The following APPL2 variants were observed in gnomAD, a reference collection of about 807,000 sequenced individuals.
APPL2 encodes adaptor protein, phosphotyrosine interacting with PH domain and leucine zipper 2.
APPL2 carries 84 observed loss-of-function variants against 92.7 expected under a neutral mutation model. That is an observed-to-expected ratio of 0.91 (90% confidence interval 0.76 to 1.09). The LOEUF (loss-of-function observed/expected upper bound fraction) is 1.09, where lower values mean the gene tolerates loss of function less well. Ranked by LOEUF, APPL2 falls within the 50% of genes least tolerant of loss-of-function variation. The pLI, the probability that APPL2 is intolerant of heterozygous loss-of-function variation, is 0.00. For missense variants in APPL2, 736 were observed against 824.5 expected (o/e 0.89, Z 1.31); for synonymous variants, 291 against 291.0 (o/e 1.00, Z 0.00).
intron 17 of APPL2, among the ~76,000 whole-genome samples, chr12:105,184,529 G>T (rs1273891699): frequency 6.6e-6 from 1 of 152,186 alleles, no homozygotes; most frequent in Non-Finnish European, 1.5e-5. Flanking sequence ...CAGGTCTGCT[G>T]CAGTTTGCTG....
At chr12:105,208,726 C>A (rs533584188) in intron 5 of APPL2, among the ~76,000 whole-genome samples, 2 of 152,116 alleles carry the variant, frequency 1.3e-5, no homozygotes, top group Non-Finnish European at 2.9e-5. Flanking sequence ...CAAGCCAACA[C>A]CAATAACTAT....
At chr12:105,177,505 C>T (rs1885670172) in intron 17 of APPL2, 5 of 530,284 alleles carry the variant, frequency 9.4e-6, no homozygotes, top group Middle Eastern at 5.1e-4. Context: ...TTTAACTTCA[C>T]AGGATTCTGC....
In APPL2 at chr12:105,188,265, G is replaced by C. The variant is rs1356610720; in HGVS notation, c.1634+8C>G. ...CATAAGAAAGTCTGAAAATAAAACTGAACGTACCTCAAAGATTGACTGGTG... is the reference window on the plus strand; with the variant it reads ...CATAAGAAAGTCTGAAAATAAAACTCAACGTACCTCAAAGATTGACTGGTG... On this transcript the variant is annotated splice_region_variant and intron_variant, in intron 17 of 20. Transcript: ENST00000258530. 1 of 1,613,616 alleles carries C rather than the reference G, an allele frequency of 6.2e-7. No homozygotes were observed. Among genetic ancestry groups the C allele is most frequent in the East Asian group, 2.2e-5 (1 of 44,808 alleles).
chr12:105,177,463 C>G (rs1885665110), intron 17 of APPL2: 7 of 590,616 alleles, frequency 1.2e-5, no homozygotes, highest in Non-Finnish European at 2.1e-5. Flanking sequence ...CTCAGGGTAC[C>G]TATAATGGAA....
At position 105,208,187 on chromosome 12, in the gene APPL2, A is replaced by C; in HGVS notation, c.386T>G (p.Leu129Ter). 6.2e-7 allele frequency: 1 copy of C among 1,614,236 alleles called. No homozygotes were observed. The highest frequency in any genetic ancestry group is 1.1e-5 in the South Asian group (1 of 91,090). ...REKDLTEVST[L>*]KDLFGLASNE... is the part of the protein sequence containing the mutation. ...GCTAGCGAGTCCAAATAGATCCTTTAAAGTGCTTACTTCTGAAAAGGAGAA... is the reference window on the plus strand; with the variant it reads ...GCTAGCGAGTCCAAATAGATCCTTTCAAGTGCTTACTTCTGAAAAGGAGAA... Residue 129 changes from leucine to a stop codon, truncating the protein, a stop_gained, in exon 6 of 21, where the codon TTA (leucine) becomes TGA (stop). Transcript: ENST00000258530. LOFTEE classifies it high-confidence loss of function.
intron 17 of APPL2, chr12:105,177,485 A>C (rs995547310): frequency 1.8e-6 from 1 of 562,992 alleles, no homozygotes; most frequent in South Asian, 2.1e-5. Context: ...ATTATATAGC[A>C]AGTAGAAGAT....
intron 19 of APPL2, 28 bp from the exon 20 acceptor site, chr12:105,176,110 G>A: frequency 6.3e-7 from 1 of 1,575,534 alleles, no homozygotes; most frequent in Non-Finnish European, 8.7e-7. Context: ...AGTAGTGATT[G>A]GCAAAAGTAG....
intron 16 of APPL2, 61 bp from the exon 17 acceptor site, chr12:105,188,508 A>G (rs1240303944): frequency 1.3e-6 from 2 of 1,575,590 alleles, no homozygotes; most frequent in East Asian, 4.5e-5. Context: ...TGATCTGCAT[A>G]CCAGGGTCAG....
chr12:105,222,227 A>C (rs1890158467), intron 2 of APPL2, among the ~76,000 whole-genome samples: 1 of 152,114 alleles, frequency 6.6e-6, no homozygotes, highest in Non-Finnish European at 1.5e-5. Context: ...GGCAGTGGGG[A>C]AGCACCAAGG....
At chr12:105,235,713 G>A (rs879423814) in intron 1 of APPL2, among the ~76,000 whole-genome samples, 4 of 152,128 alleles carry the variant, frequency 2.6e-5, no homozygotes, top group Non-Finnish European at 5.9e-5. Context: ...AGCTTGCAGG[G>A]GGGTCACGAC....
intron 14 of APPL2, among the ~76,000 whole-genome samples, chr12:105,193,781 A>G (rs1405496678): frequency 1.3e-5 from 2 of 152,148 alleles, no homozygotes; most frequent in African/African-American, 4.8e-5. Flanking sequence ...CTACATCAAC[A>G]TCCTACTGGG....
chr12:105,207,351 C>T, intron 7 of APPL2, 144 bp from the exon 8 acceptor site: 2 of 902,090 alleles, frequency 2.2e-6, no homozygotes, highest in Non-Finnish European at 3.2e-6. Context: ...TGCACTTCAA[C>T]TTTCTAAAAA....
intron 8 of APPL2, among the ~76,000 whole-genome samples, chr12:105,206,229 G>A (rs1176308036): frequency 3.9e-5 from 6 of 152,198 alleles, no homozygotes; most frequent in African/African-American, 1.2e-4. Flanking sequence ...ATGTATTATA[G>A]AAGTATTAGA....
intron 10 of APPL2, 72 bp downstream of exon 10, chr12:105,199,301 G>T: frequency 6.5e-7 from 1 of 1,541,732 alleles, no homozygotes; most frequent in Non-Finnish European, 8.8e-7. Context: ...AATGAGGCAC[G>T]TAAGATTGCT....
chr12:105,202,595 A>G (rs192389355), intron 9 of APPL2, among the ~76,000 whole-genome samples: 9 of 152,360 alleles, frequency 5.9e-5, no homozygotes, highest in African/African-American at 1.7e-4. Context: ...TGACCATTTA[A>G]TAGCCTCTCA....
rs1015015711 is a variant in APPL2 at position 105,207,324 on chromosome 12, C to T, written c.475-117G>A. ...ATAACCATTTTTGTGACAAATATAA[C>T]AAAACACAGATAAGGCTGCACTTCA... is the stretch of plus-strand genomic sequence containing the variant. On this transcript the variant is annotated intron_variant, in intron 7 of 20. Coordinates refer to ENST00000258530, the MANE Select transcript of APPL2 (RefSeq NM_018171.5). 1.9e-5 allele frequency: 20 copies of T among 1,039,202 alleles called. No individual in the cohort carries two copies. The East Asian group carries it at 2.6e-4, about 14-fold the overall frequency. The allele number at this position is 1,039,202 out of a possible 1,614,324, so 64.4% of individuals were successfully genotyped here.
chr12:105,177,549 A>C (rs1885674619), intron 17 of APPL2: 1 of 445,310 alleles, frequency 2.2e-6, no homozygotes. Flanking sequence ...ATAATCCTCA[A>C]CAGATCTGCT....
intron 2 of APPL2, among the ~76,000 whole-genome samples, chr12:105,218,475 C>G (rs956335765): frequency 6.6e-6 from 1 of 152,212 alleles, no homozygotes; most frequent in African/African-American, 2.4e-5. Flanking sequence ...TTGGGAGGCT[C>G]TGACAGACAG....
intron 8 of APPL2, 64 bp downstream of exon 8, chr12:105,206,997 G>A (rs1338363896): frequency 1.3e-5 from 21 of 1,561,880 alleles, no homozygotes; most frequent in African/African-American, 2.7e-5. Context: ...TGTCTCCTGC[G>A]TGCCCTCTCA....
Sources: allele counts gnomAD v4.1 joint callset (sites outside exome capture counted in the v4.1 genomes callset), GRCh38; gene constraint gnomAD v4.1.1; transcripts MANE v1.5; gene names NCBI Gene and HGNC (gene_info 2026-07-23, HGNC 2026-07-21).